CTNNA3: variants seen among roughly 807,000 people sequenced by gnomAD.
The protein encoded by CTNNA3 is catenin alpha-3.
CTNNA3 carries 76 observed loss-of-function variants against 95.7 expected under a neutral mutation model. The observed-to-expected ratio is 0.79, with a 90% CI of 0.66 to 0.96. The LOEUF is 0.96. Ranked by LOEUF, CTNNA3 falls within the 40% of genes least tolerant of loss-of-function variation. CTNNA3 has a pLI of 0.00. For missense variants in CTNNA3, 1,191 were observed against 1,089.8 expected, an observed-to-expected ratio of 1.09 and a Z score of -1.31; for synonymous variants, 431 against 374.4, an observed-to-expected ratio of 1.15 and a Z score of -1.74.
intron 10 of CTNNA3, among the ~76,000 whole-genome samples, chr10:66,549,210 G>A (rs1216390795): frequency 6.6e-6 from 1 of 151,724 alleles, no homozygotes; most frequent in Admixed American, 6.6e-5. Context: ...TAGCCAGGAT[G>A]CTCTCCATCT....
intron 5 of CTNNA3, among the ~76,000 whole-genome samples, chr10:67,417,952 C>A (rs181553245): frequency 6.6e-6 from 1 of 152,164 alleles, no homozygotes; most frequent in African/African-American, 2.4e-5. Flanking sequence ...GTGGAAACAA[C>A]CCAAATGTCC....
At chr10:66,344,176 G>A (rs903292439) in intron 12 of CTNNA3, among the ~76,000 whole-genome samples, 5 of 148,734 alleles carry the variant, frequency 3.4e-5, no homozygotes, top group Admixed American at 2.0e-4. Flanking sequence ...GTAGTGAGCC[G>A]AGATCGCACC....
intron 13 of CTNNA3, among the ~76,000 whole-genome samples, chr10:66,230,040 A>C (rs1366357665): frequency 2.0e-5 from 3 of 150,286 alleles, no homozygotes; most frequent in Non-Finnish European, 4.4e-5. Context: ...TTTTTATTTC[A>C]CTTATTGAAT....
At chr10:66,744,402 T>A (rs77139736) in intron 9 of CTNNA3, among the ~76,000 whole-genome samples, 1 of 152,194 alleles carries the variant, frequency 6.6e-6, no homozygotes, top group African/African-American at 2.4e-5. Context: ...AAGCACCTTA[T>A]AGATCATCAA....
intron 1 of CTNNA3, among the ~76,000 whole-genome samples, chr10:67,755,802 C>CAAAAA (rs201336788): frequency 1.2e-4 from 7 of 58,628 alleles, no homozygotes; most frequent in Middle Eastern, 0.01. Flanking sequence ...GTCTCTGCCT[C>CAAAAA]AAAAAAAAAA....
chr10:67,236,046 CT>C (rs1453236356), intron 5 of CTNNA3, among the ~76,000 whole-genome samples: 3 of 144,198 alleles, frequency 2.1e-5, no homozygotes, highest in Admixed American at 6.8e-5. Flanking sequence ...AATAGGAACA[CT>C]TTTACACTGT....
chr10:67,237,146 A>ATG (rs1865518425), intron 5 of CTNNA3, among the ~76,000 whole-genome samples: 1 of 73,926 alleles, frequency 1.4e-5, no homozygotes, highest in African/African-American at 8.1e-5. Context: ...ATATATATAT[A>ATG]TATATATATA....
chr10:67,697,774 A>T (rs982682841), upstream of CTNNA3, among the ~76,000 whole-genome samples: 3 of 152,166 alleles, frequency 2.0e-5, no homozygotes, highest in Non-Finnish European at 4.4e-5. Context: ...CTTCATAAAA[A>T]TATCTGCAGC....
At chr10:66,984,322 A>T (rs1850609848) in intron 7 of CTNNA3, among the ~76,000 whole-genome samples, 1 of 152,200 alleles carries the variant, frequency 6.6e-6, no homozygotes, top group Non-Finnish European at 1.5e-5. Context: ...AATACCAAAC[A>T]TTATTCTTAG....
intron 11 of CTNNA3, among the ~76,000 whole-genome samples, chr10:66,427,319 T>A (rs2093251168): frequency 6.6e-6 from 1 of 152,034 alleles, no homozygotes; most frequent in Non-Finnish European, 1.5e-5. Flanking sequence ...TTTTAAACTT[T>A]TTTTTTTGTA....
chr10:66,926,597 G>T, intron 7 of CTNNA3: 1 of 1,613,782 alleles, frequency 6.2e-7, no homozygotes, highest in Non-Finnish European at 8.5e-7. Context: ...GGTATGTTTT[G>T]TCATTTTTCT....
chr10:66,930,020 C>A (rs1847286300), intron 7 of CTNNA3, among the ~76,000 whole-genome samples: 1 of 152,114 alleles, frequency 6.6e-6, no homozygotes, highest in Non-Finnish European at 1.5e-5. Context: ...AGAATCACTG[C>A]AGCAACAAAG....
chr10:66,466,960 C>T (rs1388583360), intron 11 of CTNNA3, among the ~76,000 whole-genome samples: 5 of 152,012 alleles, frequency 3.3e-5, no homozygotes, highest in Admixed American at 3.3e-4. Flanking sequence ...TGTTGATTGA[C>T]TGTTTCTCTC....
rs555696829 is a variant in CTNNA3, at chr10:66,947,904, G to C, written c.1048-172380C>G. 5.5e-4 allele frequency among the ~76,000 whole-genome samples: 84 copies of C among 152,298 alleles called. No homozygotes were observed. In the South Asian group the frequency reaches 0.017, roughly 31 times the overall value. ...TTTGTCATTGTGCGAACATCACAGAGTGTACTTACATAAACCTAGATGACA... is the reference window on the plus strand; with the variant it reads ...TTTGTCATTGTGCGAACATCACAGACTGTACTTACATAAACCTAGATGACA... On this transcript the variant is annotated intron_variant, in intron 7 of 17. Transcript: ENST00000433211.
At chr10:67,193,619 G>T (rs953402332) in intron 6 of CTNNA3, among the ~76,000 whole-genome samples, 8 of 151,942 alleles carry the variant, frequency 5.3e-5, no homozygotes, top group African/African-American at 1.7e-4. Context: ...GCTCCAGTTT[G>T]CTTAGAATAA....
chr10:66,764,812 A>G (rs1839775182), intron 9 of CTNNA3, among the ~76,000 whole-genome samples: 1 of 152,120 alleles, frequency 6.6e-6, no homozygotes, highest in South Asian at 2.1e-4. Context: ...AGGAATAAAT[A>G]AAAGCAGATA....
intron 13 of CTNNA3, among the ~76,000 whole-genome samples, chr10:66,227,756 TAA>T (rs971893712): frequency 6.6e-6 from 1 of 152,194 alleles, no homozygotes; most frequent in Non-Finnish European, 1.5e-5. Flanking sequence ...TTTAGTTCTT[TAA>T]AAATTTGGTA....
intron 10 of CTNNA3, among the ~76,000 whole-genome samples, chr10:66,619,567 T>G (rs1411929132): frequency 6.2e-5 from 3 of 48,156 alleles, no homozygotes; most frequent in East Asian, 8.1e-4. Flanking sequence ...TGTTGTAGGG[T>G]GGGGGGAGGG....
chr10:66,437,028 T>C (rs2093342794), intron 11 of CTNNA3, among the ~76,000 whole-genome samples: 1 of 152,166 alleles, frequency 6.6e-6, no homozygotes, highest in African/African-American at 2.4e-5. Flanking sequence ...CACCCTCTTC[T>C]GGCTTGTAGG....
Sources: allele counts gnomAD v4.1 joint callset (sites outside exome capture counted in the v4.1 genomes callset), GRCh38; gene constraint gnomAD v4.1.1; transcripts MANE v1.5; gene names NCBI Gene and HGNC (gene_info 2026-07-23, HGNC 2026-07-21).